MAGI1: variants seen among roughly 807,000 people sequenced by gnomAD.
MAGI1 encodes the protein membrane associated guanylate kinase, WW and PDZ domain containing 1.
MAGI1 carries 58 observed loss-of-function variants against 139.9 expected under a neutral mutation model. The observed-to-expected ratio is 0.41, with a 90% CI of 0.34 to 0.52. The LOEUF (loss-of-function observed/expected upper bound fraction) is 0.52. Ranked by LOEUF, MAGI1 falls within the 20% of genes least tolerant of loss-of-function variation. MAGI1 has a pLI of 0.12. For synonymous variants in MAGI1, 812 were observed against 737.9 expected (o/e 1.10, Z -1.63); for missense variants, 1,874 against 1,901.6 (o/e 0.99, Z 0.27).
At chr3:65,514,936 T>G (rs2077787737) in intron 2 of MAGI1, among the ~76,000 whole-genome samples, 1 of 149,618 alleles carries the variant, frequency 6.7e-6, no homozygotes, top group Non-Finnish European at 1.5e-5. Context: ...TAGACTGGAT[T>G]AAGAAAATGT....
intron 1 of MAGI1, among the ~76,000 whole-genome samples, chr3:65,666,648 C>T: frequency 6.6e-6 from 1 of 152,182 alleles, no homozygotes; most frequent in East Asian, 1.9e-4. Context: ...GTTTCCTTTA[C>T]AAACCTATAA....
At chr3:65,995,076 G>A (rs1339914555) in intron 1 of MAGI1, among the ~76,000 whole-genome samples, 1 of 152,058 alleles carries the variant, frequency 6.6e-6, no homozygotes, top group East Asian at 1.9e-4. Flanking sequence ...AAGTTTCTCG[G>A]GGACAAAAAC....
At chr3:65,414,771 C>G (rs988568490) in intron 12 of MAGI1, among the ~76,000 whole-genome samples, 11 of 151,294 alleles carry the variant, frequency 7.3e-5, no homozygotes, top group Admixed American at 7.2e-4. Context: ...TGGTGGTTCA[C>G]GCCTGTAATC....
At position 65,552,753 on chromosome 3, in the gene MAGI1, T is replaced by C. The variant is rs142244607; in HGVS notation, c.431-59122A>G. ...GTGAAAACTGAAATTTGCATCTGCC[T>C]ACAGAGGGAAGTTTAGGAAATCTAA... On this transcript the variant is annotated intron_variant, in intron 2 of 22. Transcript: ENST00000402939. 2.8e-4 allele frequency among the ~76,000 whole-genome samples: 43 copies of C among 152,314 alleles called. 1 individual carries two copies. Among genetic ancestry groups the C allele is most frequent in the African/African-American group, 9.6e-4 (40 of 41,580 alleles).
intron 2 of MAGI1, among the ~76,000 whole-genome samples, chr3:65,558,570 A>G (rs1031528156): frequency 6.6e-6 from 1 of 152,176 alleles, no homozygotes; most frequent in Non-Finnish European, 1.5e-5. Flanking sequence ...CGTTTCCTCA[A>G]ATTCAGTTAT....
intron 2 of MAGI1, among the ~76,000 whole-genome samples, chr3:65,554,683 A>C (rs1191511534): frequency 1.3e-5 from 2 of 152,118 alleles, no homozygotes; most frequent in East Asian, 3.9e-4. Flanking sequence ...CCTACATCAA[A>C]CCCACCAAAG....
intron 1 of MAGI1, among the ~76,000 whole-genome samples, chr3:65,883,996 A>G (rs1400794805): frequency 1.3e-5 from 2 of 152,258 alleles, no homozygotes; most frequent in African/African-American, 2.4e-5. Flanking sequence ...TTTTAAAAAA[A>G]ATCAGAAAGA....
chr3:65,846,042 T>A (rs568715224), intron 1 of MAGI1, among the ~76,000 whole-genome samples: 1 of 152,206 alleles, frequency 6.6e-6, no homozygotes, highest in African/African-American at 2.4e-5. Flanking sequence ...GTAGTAACAA[T>A]GCCACTTGTT....
At chr3:65,549,023 C>T (rs1437856581) in intron 2 of MAGI1, among the ~76,000 whole-genome samples, 1 of 152,302 alleles carries the variant, frequency 6.6e-6, no homozygotes, top group Non-Finnish European at 1.5e-5. Flanking sequence ...AACGAGCCTG[C>T]GGCTGATGGG....
intron 1 of MAGI1, among the ~76,000 whole-genome samples, chr3:66,019,600 C>T (rs1239047468): frequency 6.6e-6 from 1 of 152,194 alleles, no homozygotes; most frequent in Non-Finnish European, 1.5e-5. Context: ...ATTTTATCTA[C>T]TTGCAAAGTT....
chr3:65,884,644 A>G (rs2060463125), intron 1 of MAGI1, among the ~76,000 whole-genome samples: 1 of 151,720 alleles, frequency 6.6e-6, no homozygotes, highest in African/African-American at 2.4e-5. Context: ...GGTTAGTTAC[A>G]TGGGTATATT....
rs1227870611 is a variant in MAGI1, at chr3:65,570,076, T to TATC, written c.430+51895_430+51896insGAT. Among the ~76,000 whole-genome samples the TATC allele has an allele frequency of 4.9e-4, 3 of 6,138 alleles. No individual in the cohort carries two copies. In the East Asian group the frequency reaches 0.05, roughly 102 times the overall value. The allele number at this position is 6,138 out of a possible 152,430, so 4.0% of individuals were successfully genotyped here. On this transcript the variant is annotated intron_variant, in intron 2 of 22. Transcript: ENST00000402939. ...TGCTTCTTTCTTTCTTTATTATCAT[T>TATC]ATTATTATTATTATTATTATTATTA...
intron 1 of MAGI1, among the ~76,000 whole-genome samples, chr3:65,956,770 G>C (rs1424057954): frequency 2.6e-5 from 4 of 152,108 alleles, no homozygotes; most frequent in Admixed American, 2.6e-4. Flanking sequence ...GGCTGAGGCG[G>C]GAGGACCACT....
intron 18 of MAGI1, among the ~76,000 whole-genome samples, chr3:65,375,067 C>T (rs1942368501): frequency 6.6e-6 from 1 of 152,064 alleles, no homozygotes; most frequent in Middle Eastern, 3.2e-3. Context: ...CCATATAATA[C>T]AGCTCATATT....
intron 14 of MAGI1, among the ~76,000 whole-genome samples, chr3:65,390,805 T>G (rs1446909655): frequency 6.6e-6 from 1 of 152,244 alleles, no homozygotes; most frequent in East Asian, 1.9e-4. Flanking sequence ...GCATATCAGA[T>G]TTGTGCTCAG....
At chr3:65,856,655 G>C (rs1242892323) in intron 1 of MAGI1, among the ~76,000 whole-genome samples, 1 of 152,182 alleles carries the variant, frequency 6.6e-6, no homozygotes, top group African/African-American at 2.4e-5. Context: ...AGATGAACAA[G>C]TAAGGACATC....
intron 1 of MAGI1, among the ~76,000 whole-genome samples, chr3:66,011,969 A>G (rs180770578): frequency 1.9e-4 from 29 of 152,284 alleles, no homozygotes; most frequent in African/African-American, 6.5e-4. Context: ...TAACTTTTTT[A>G]AAGGGCAATA....
At chr3:65,511,283 G>C (rs1489597746) in intron 2 of MAGI1, among the ~76,000 whole-genome samples, 5 of 149,394 alleles carry the variant, frequency 3.3e-5, no homozygotes, top group Non-Finnish European at 7.5e-5. Context: ...CATAATGACA[G>C]GATCAAATTC....
intron 1 of MAGI1, among the ~76,000 whole-genome samples, chr3:65,763,262 C>T (rs2037183806): frequency 6.6e-6 from 1 of 150,784 alleles, no homozygotes; most frequent in Non-Finnish European, 1.5e-5. Context: ...AATTCAGTTA[C>T]TTTTCCAGAA....
Sources: gnomAD v4.1 joint callset for allele counts (sites outside exome capture counted in the v4.1 genomes callset) on GRCh38, gnomAD v4.1.1 for gene constraint, MANE v1.5 for transcripts, NCBI Gene and HGNC (gene_info 2026-07-23, HGNC 2026-07-21) for gene names.